The following DGKG variants were observed in gnomAD, a reference collection of about 807,000 sequenced individuals.
DGKG encodes the protein diacylglycerol kinase gamma.
Under a neutral mutation model 105.3 loss-of-function variants are expected in DGKG, and 78 were observed. The ratio of observed to expected loss-of-function variants is 0.74; its 90% CI spans 0.62 to 0.89. The LOEUF (loss-of-function observed/expected upper bound fraction) is 0.89. DGKG is among the 40% of genes least tolerant of loss of function. DGKG has a pLI of 0.00. For synonymous variants in DGKG, 346 were observed against 367.1 expected, an observed-to-expected ratio of 0.94 and a Z score of 0.66; for missense variants, 958 against 1,020.1, an observed-to-expected ratio of 0.94 and a Z score of 0.83.
rs184716462 is a variant in DGKG, at chr3:186,303,510, C to T, written c.144+3391G>A. On this transcript the variant is annotated intron_variant, in intron 3 of 24. Transcript: ENST00000265022. ...CTAGATGGAGAGCTTAGCAGGCATC[C>T]GGCACTTTCATTCTCAAGACAGCAG... is the stretch of plus-strand genomic sequence containing the variant. 9.0e-4 allele frequency among the ~76,000 whole-genome samples: 137 copies of T among 152,292 alleles called. No individual in the cohort carries two copies. In the Middle Eastern group the frequency reaches 0.014, roughly 15 times the overall value.
chr3:186,211,979 CAG>C, intron 20 of DGKG, 94 bp from the exon 21 acceptor site: 1 of 931,522 alleles, frequency 1.1e-6, no homozygotes, highest in Non-Finnish European at 1.7e-6. Flanking sequence ...CCCAAGCCTT[CAG>C]CAATTTCCCC....
At chr3:186,304,588 A>G (rs1051385360) in intron 3 of DGKG, among the ~76,000 whole-genome samples, 5 of 152,242 alleles carry the variant, frequency 3.3e-5, no homozygotes, top group Non-Finnish European at 7.3e-5. Context: ...TCTTCATAAA[A>G]GGACTCAGGA....
Position 186,272,318 on chromosome 3 carries a change from G to C in DGKG, c.936C>G (p.Arg312=), listed in dbSNP as rs1453120489. 6.2e-7 allele frequency: 1 copy of C among 1,613,722 alleles called. No homozygotes were observed. Residue 312 remains arginine (R), a synonymous_variant, in exon 11 of 25, where the codon CGC becomes CGG. Coordinates refer to ENST00000265022, the MANE Select transcript of DGKG (RefSeq NM_001346.3). ...AACCAGGAATGTTTCTGGACACACA[G>C]CGTTCGTGGACAGTGTATTTACAGT... ...CTYCKYTVHE[R]CVSRNIPGCV... is the part of the protein sequence containing the mutation.
intron 19 of DGKG, among the ~76,000 whole-genome samples, chr3:186,245,529 G>A (rs1319102431): frequency 1.3e-5 from 2 of 152,172 alleles, no homozygotes; most frequent in East Asian, 1.9e-4. Context: ...TGGTTATTAA[G>A]GCGTAAACCC....
rs142048324 is a variant in DGKG at position 186,212,810 on chromosome 3, G to A, written c.1827-925C>T. On this transcript the variant is annotated intron_variant, in intron 20 of 24. Coordinates refer to ENST00000265022, the MANE Select transcript of DGKG (RefSeq NM_001346.3). ...GAGAAGGGACACCTGTCCAGTTTAC[G>A]AGCTGACAGATTTTGCTAAGGAAGG... Among the ~76,000 whole-genome samples, 1,033 of 152,254 alleles carry A rather than the reference G, an allele frequency of 6.8e-3. 9 individuals carry two copies. Among genetic ancestry groups the A allele is most frequent in the Non-Finnish European group, 9.6e-3 (656 of 68,018 alleles).
At chr3:186,261,486 T>C (rs943455469) in intron 15 of DGKG, among the ~76,000 whole-genome samples, 4 of 152,074 alleles carry the variant, frequency 2.6e-5, no homozygotes, top group African/African-American at 9.7e-5. Flanking sequence ...TTCTCACCTG[T>C]GAGAGGAGGA....
chr3:186,183,422 GT>G (rs1560084379), intron 22 of DGKG, among the ~76,000 whole-genome samples: 1 of 151,850 alleles, frequency 6.6e-6, no homozygotes, highest in Non-Finnish European at 1.5e-5. Flanking sequence ...ACAAGAGACT[GT>G]TTCTCACTAT....
intron 21 of DGKG, among the ~76,000 whole-genome samples, chr3:186,195,506 GT>G (rs1292125687): frequency 6.6e-6 from 1 of 151,716 alleles, no homozygotes; most frequent in African/African-American, 2.4e-5. Flanking sequence ...TTTTCTCCTT[GT>G]CTTTTATTTA....
chr3:186,358,624 G>T (rs1727090043), intron 1 of DGKG, among the ~76,000 whole-genome samples: 2 of 148,734 alleles, frequency 1.3e-5, no homozygotes, highest in African/African-American at 2.5e-5. Flanking sequence ...TTTTTAAATT[G>T]TTTTATTACT....
intron 22 of DGKG, among the ~76,000 whole-genome samples, chr3:186,176,904 G>A (rs1717109578): frequency 6.6e-6 from 1 of 152,236 alleles, no homozygotes; most frequent in Non-Finnish European, 1.5e-5. Flanking sequence ...AGCCCCTGGT[G>A]ATGGGGAGAG....
intron 3 of DGKG, among the ~76,000 whole-genome samples, chr3:186,301,215 A>G (rs9835633): frequency 0.025 from 3,766 of 152,118 alleles, 162 homozygotes; most frequent in African/African-American, 0.085. Context: ...CCATTGCAAT[A>G]CCTCTCCAAG....
At chr3:186,152,752 C>A (rs929690240) in intron 24 of DGKG, among the ~76,000 whole-genome samples, 3 of 152,180 alleles carry the variant, frequency 2.0e-5, no homozygotes, top group African/African-American at 7.2e-5. Flanking sequence ...CAACCTCCAC[C>A]TCCCAGGTTC....
chr3:186,242,773 T>TA (rs1720752350), intron 19 of DGKG: 1 of 484,772 alleles, frequency 2.1e-6, no homozygotes, highest in Non-Finnish European at 3.7e-6. Flanking sequence ...CCAATACTCT[T>TA]ACAGCCTATG....
chr3:186,213,532 T>G (rs372307018), intron 20 of DGKG, among the ~76,000 whole-genome samples: 11 of 152,232 alleles, frequency 7.2e-5, no homozygotes, highest in African/African-American at 2.4e-4. Flanking sequence ...ACATTCTGAT[T>G]CAGTGATTTA....
chr3:186,256,962 G>T (rs938514665), intron 17 of DGKG, among the ~76,000 whole-genome samples: 1 of 152,134 alleles, frequency 6.6e-6, no homozygotes, highest in Admixed American at 6.6e-5. Context: ...TTCATTGCCT[G>T]TCTCTTTCCT....
In DGKG at chr3:186,149,189, C is replaced by G. The variant is rs1427624344; in HGVS notation, c.*901G>C. On this transcript the variant is annotated 3_prime_UTR_variant, in exon 25 of 25. Transcript: ENST00000265022. ...TAGTCTGCCACCAGGGCTTGGAACT[C>G]AAACAGGAAACACGCTTTGGCTTGA... 1.0e-6 allele frequency: 1 copy of G among 984,532 alleles called. No homozygotes were observed. Among genetic ancestry groups the G allele is most frequent in the Non-Finnish European group, 1.2e-6 (1 of 829,698 alleles). The allele number at this position is 984,532 out of a possible 1,614,324, so 61.0% of individuals were successfully genotyped here. A position where few individuals can be genotyped will look rare whatever the true frequency, so the allele number is the denominator to read the frequency against.
chr3:186,157,513 A>T (rs1277947040), intron 24 of DGKG, among the ~76,000 whole-genome samples: 1 of 152,166 alleles, frequency 6.6e-6, no homozygotes, highest in Non-Finnish European at 1.5e-5. Context: ...TGTCTGTACT[A>T]TGAAACAGTT....
At chr3:186,315,777 C>T (rs1191308721) in intron 2 of DGKG, among the ~76,000 whole-genome samples, 7 of 152,196 alleles carry the variant, frequency 4.6e-5, no homozygotes, top group African/African-American at 1.4e-4. Flanking sequence ...AAGATGGCTG[C>T]CATAAATTCT....
chr3:186,311,646 C>T lies in DGKG; in HGVS notation c.68-4669G>A, dbSNP rs185585771. On this transcript the variant is annotated intron_variant, in intron 2 of 24. Transcript: ENST00000265022. ...CCTAGTGTTTGAGCAAATTCAAAGC[C>T]TTTTAAAGGGAAAAATTTGGCCCTA... is the stretch of plus-strand genomic sequence containing the variant. Among the ~76,000 whole-genome samples, 25 of 152,282 alleles carry T rather than the reference C, an allele frequency of 1.6e-4. No individual in the cohort carries two copies. The East Asian group carries it at 2.7e-3, about 16-fold the overall frequency.
Sources: allele counts gnomAD v4.1 joint callset (sites outside exome capture counted in the v4.1 genomes callset), GRCh38; gene constraint gnomAD v4.1.1; transcripts MANE v1.5; gene names NCBI Gene and HGNC (gene_info 2026-07-23, HGNC 2026-07-21).